Variants in KRT78 observed in about 807,000 individuals in gnomAD.
KRT78 encodes keratin, type II cytoskeletal 78.
In KRT78, 55 loss-of-function variants were observed where a neutral mutation model predicts 51.4. That is an observed-to-expected ratio of 1.07 (90% CI 0.86 to 1.34). The LOEUF is 1.34. Among genes scored for constraint, KRT78 ranks in the 40% most tolerant of loss-of-function variants. The pLI is 0.00. For missense variants in KRT78, 652 were observed against 649.4 expected, an observed-to-expected ratio of 1.00 and a Z score of -0.04; for synonymous variants, 291 against 264.3, an observed-to-expected ratio of 1.10 and a Z score of -0.98.
intron 4 of KRT78, 123 bp from the exon 5 acceptor site, chr12:52,844,846 G>T: frequency 1.1e-6 from 1 of 880,156 alleles, no homozygotes; most frequent in Non-Finnish European, 1.7e-6. Flanking sequence ...ATCCCAGGTG[G>T]CTTTGAGTAT....
chr12:52,842,913 T>C (rs1176789075), intron 6 of KRT78, among the ~76,000 whole-genome samples: 2 of 134,488 alleles, frequency 1.5e-5, no homozygotes, highest in Admixed American at 1.6e-4. Context: ...TGAAACTCCA[T>C]GAAAGAAAGA....
At position 52,839,225 on chromosome 12, in the gene KRT78, T is replaced by C; in HGVS notation, c.1451A>G (p.Lys484Arg). 3 of 1,611,990 alleles carry C rather than the reference T, an allele frequency of 1.9e-6. No homozygotes were observed. The highest frequency in any genetic ancestry group is 2.5e-6 in the Non-Finnish European group (3 of 1,179,264). The change falls in exon 9 of 9, where the codon AAG becomes AGG. Residue 484 changes from lysine (K) to arginine (R), a missense_variant. Transcript: ENST00000304620. ...GGSNIILGSGKDPVLDSCSVS... is the reference protein window; with the variant it reads ...GGSNIILGSGRDPVLDSCSVS... ...AGAGCAGGAATCCAAAACAGGGTCC[T>C]TCCCAGAGCCCAGAATGATGTTGGA...
chr12:52,846,427 GC>G, intron 3 of KRT78, 135 bp from the exon 4 acceptor site: 1 of 699,830 alleles, frequency 1.4e-6, no homozygotes, highest in Non-Finnish European at 2.6e-6. Context: ...TCCTCCTCCA[GC>G]CCCACTCTGT....
At chr12:52,845,077 G>A (rs1246034341) in intron 4 of KRT78, among the ~76,000 whole-genome samples, 1 of 150,528 alleles carries the variant, frequency 6.6e-6, no homozygotes, top group African/African-American at 2.5e-5. Context: ...GTGCAGTGGT[G>A]TGATCTCGGC....
chr12:52,848,264 C>T (rs1940694445), intron 1 of KRT78, 143 bp from the exon 2 acceptor site: 2 of 1,540,202 alleles, frequency 1.3e-6, no homozygotes, highest in Admixed American at 2.0e-5. Context: ...AGCCTCATGA[C>T]CTTCCATGAC....
At position 52,839,175 on chromosome 12, in the gene KRT78, T is replaced by C; in HGVS notation, c.1501A>G (p.Ser501Gly). 1 of 1,613,088 alleles carries C rather than the reference T, an allele frequency of 6.2e-7. No homozygotes were observed. Among genetic ancestry groups the C allele is most frequent in the Non-Finnish European group, 8.5e-7 (1 of 1,179,834 alleles). The change falls in exon 9 of 9, where the codon AGC becomes GGC. Residue 501 changes from serine (S) to glycine (G), a missense_variant. Ser to Gly is a moderately conservative substitution (Grantham distance 56). Transcript: ENST00000304620. ...CSVSGSSAGS[S>G]CHTILKKTVE... is the part of the protein sequence containing the mutation. ...GTCTTCTTCAGGATGGTGTGGCAGC[T>C]GGAGCCAGCGCTGGAGCCAGACACA...
chr12:52,839,544 C>A, intron 7 of KRT78, 57 bp from the exon 8 acceptor site: 1 of 1,489,290 alleles, frequency 6.7e-7, no homozygotes, highest in Non-Finnish European at 9.0e-7. Flanking sequence ...AGAATGCATC[C>A]CCACGAGCTT....
chr12:52,843,034 GAGGGAGGGAGGGA>G (rs1429706411), intron 6 of KRT78, among the ~76,000 whole-genome samples: 3,162 of 113,166 alleles, frequency 0.028, 245 homozygotes, highest in African/African-American at 0.12. Context: ...GGGAGGGAGG[GAGGGAGGGAGGGA>G]AGGGAGGAAG....
In KRT78 at chr12:52,838,983, A is replaced by G. The variant is rs1940408414; in HGVS notation, c.*130T>C. The G allele has an allele frequency of 9.2e-7, 1 of 1,090,250 alleles. No individual in the cohort carries two copies. Among genetic ancestry groups the G allele is most frequent in the Admixed American group, 2.6e-5 (1 of 37,864 alleles). 67.5% of individuals were successfully genotyped at this position (1,090,250 alleles called of 1,614,324 possible). A position where few individuals can be genotyped will look rare whatever the true frequency, so the allele number is the denominator to read the frequency against. On this transcript the variant is annotated 3_prime_UTR_variant, in exon 9 of 9. Coordinates refer to ENST00000304620, the MANE Select transcript of KRT78 (RefSeq NM_173352.4). ...TCAGAACAGCAGGAGGGGAGACTTT[A>G]TTGATTTTTGCAGCATCCGCTGTGG...
At chr12:52,840,079 G>A in intron 6 of KRT78, 95 bp from the exon 7 acceptor site, 1 of 849,148 alleles carries the variant, frequency 1.2e-6, no homozygotes, top group Non-Finnish European at 1.8e-6. Flanking sequence ...GGCTGGGGCG[G>A]ATCATAATCT....
Position 52,844,074 on chromosome 12 carries a change from G to A in KRT78, c.1047+19C>T. Reference sequence around the variant, plus strand: ...CACAAAGGCAATGAGAGGACATTTGGGGGTCTCTGGGAATCTACCTGCTTC... The same window carrying A: ...CACAAAGGCAATGAGAGGACATTTGAGGGTCTCTGGGAATCTACCTGCTTC... On this transcript the variant is annotated intron_variant, in intron 6 of 8. Coordinates refer to ENST00000304620, the MANE Select transcript of KRT78 (RefSeq NM_173352.4). 1 of 1,611,674 alleles carries A rather than the reference G, an allele frequency of 6.2e-7. No homozygotes were observed. Among genetic ancestry groups the A allele is most frequent in the East Asian group, 2.2e-5 (1 of 44,742 alleles).
intron 4 of KRT78, among the ~76,000 whole-genome samples, 161 bp from the exon 5 acceptor site, chr12:52,844,884 C>T (rs1357143143): frequency 6.6e-6 from 1 of 152,140 alleles, no homozygotes; most frequent in African/African-American, 2.4e-5. Flanking sequence ...ACTCGATCTC[C>T]TCATTCAAAA....
chr12:52,848,630 C>G lies in KRT78; in HGVS notation c.301G>C (p.Asp101His). The change falls in exon 1 of 9, where the codon GAT becomes CAT. Residue 101 changes from aspartate to histidine, a missense_variant. Coordinates refer to ENST00000304620, the MANE Select transcript of KRT78 (RefSeq NM_173352.4). ...NLLTPLKIEI[D>H]PQFQVVRTQE... ...GTCCGCACCACCTGGAACTGGGGAT[C>G]GATCTCAATCTTCAGTGGGGTCAGC... 1.2e-6 allele frequency: 2 copies of G among 1,614,000 alleles called. No individual in the cohort carries two copies. Among genetic ancestry groups the G allele is most frequent in the South Asian group, 1.1e-5 (1 of 91,068 alleles).
intron 4 of KRT78, 42 bp from the exon 5 acceptor site, chr12:52,844,765 C>T (rs765629848): frequency 6.4e-7 from 1 of 1,557,992 alleles, no homozygotes; most frequent in Non-Finnish European, 8.7e-7. Flanking sequence ...CCCCCAGCTC[C>T]TTCTCCCCTT....
Position 52,839,472 on chromosome 12 carries a change from G to A in KRT78, c.1284C>T (p.Cys428=). 6.2e-7 allele frequency: 1 copy of A among 1,602,712 alleles called. No homozygotes were observed. Among genetic ancestry groups the A allele is most frequent in the Non-Finnish European group, 8.5e-7 (1 of 1,174,792 alleles). Residue 428 remains cysteine (C), a synonymous_variant, in exon 8 of 9, where the codon TGC becomes TGT. Coordinates refer to ENST00000304620, the MANE Select transcript of KRT78 (RefSeq NM_173352.4). ...EGEECRMSGE[C]TSQVTISSVG... ...ACTCACAGATAGTGACCTGGCTGGT[G>A]CACTCCCCAGACATCCTAGGGGGAA... is the stretch of plus-strand genomic sequence containing the variant.
intron 6 of KRT78, 87 bp downstream of exon 6, chr12:52,844,006 C>T: frequency 5.9e-6 from 9 of 1,536,742 alleles, no homozygotes; most frequent in Non-Finnish European, 7.0e-6. Context: ...CACTGGCAAC[C>T]CAACTGGAGA....
At chr12:52,846,721 T>C (rs765110543) in intron 3 of KRT78, 43 bp downstream of exon 3, 2 of 1,559,962 alleles carry the variant, frequency 1.3e-6, no homozygotes, top group East Asian at 2.2e-5. Context: ...CCGTGCACAG[T>C]GGATGCTCAG....
chr12:52,845,696 C>A (rs1201338714), intron 4 of KRT78, among the ~76,000 whole-genome samples: 1 of 152,152 alleles, frequency 6.6e-6, no homozygotes, highest in South Asian at 2.1e-4. Context: ...TGGCTCATGC[C>A]TGTAATCCCA....
chr12:52,847,044 G>A (rs1940660376), intron 2 of KRT78, among the ~76,000 whole-genome samples: 1 of 152,168 alleles, frequency 6.6e-6, no homozygotes, highest in Non-Finnish European at 1.5e-5. Flanking sequence ...CATTGTTTCA[G>A]TTTATAAGGC....
Sources: gnomAD v4.1 joint callset for allele counts (sites outside exome capture counted in the v4.1 genomes callset) on GRCh38, gnomAD v4.1.1 for gene constraint, MANE v1.5 for transcripts, NCBI Gene and HGNC (gene_info 2026-07-23, HGNC 2026-07-21) for gene names.